Variants in ZSCAN5A observed in about 807,000 individuals in gnomAD.
The protein encoded by ZSCAN5A is zinc finger and SCAN domain containing 5A.
Under a neutral mutation model 23.7 loss-of-function variants are expected in ZSCAN5A, and 12 were observed. The ratio of observed to expected loss-of-function variants is 0.51; its 90% CI spans 0.32 to 0.82. The LOEUF is 0.82. ZSCAN5A is among the 40% of genes least tolerant of loss of function. The pLI, the probability that ZSCAN5A is intolerant of heterozygous loss-of-function variation, is 0.03. For synonymous variants in ZSCAN5A, 257 were observed against 239.9 expected (o/e 1.07, Z -0.66); for missense variants, 597 against 617.9 (o/e 0.97, Z 0.36).
At chr19:56,333,189 T>C (rs1039616367) in intron 2 of ZSCAN5A, among the ~76,000 whole-genome samples, 1 of 152,110 alleles carries the variant, frequency 6.6e-6, no homozygotes, top group East Asian at 1.9e-4. Flanking sequence ...ATTTCTTCTA[T>C]CTGGATGTCT....
intron 2 of ZSCAN5A, chr19:56,280,508 T>A (rs1377261771): frequency 6.6e-6 from 1 of 152,174 alleles, no homozygotes; most frequent in African/African-American, 2.4e-5. Flanking sequence ...TAGAATTATA[T>A]CTATATATAG....
chr19:56,320,594 A>G (rs992094540), intron 2 of ZSCAN5A: 1 of 583,188 alleles, frequency 1.7e-6, no homozygotes, highest in African/African-American at 1.9e-5. Context: ...CCTGGGTGAC[A>G]AGAGCGAAAT....
rs138178972 is a variant in ZSCAN5A, at chr19:56,258,185, C to T, written c.-127-33012G>A. Among the ~76,000 whole-genome samples the T allele has an allele frequency of 3.4e-3, 519 of 152,312 alleles. 6 individuals are homozygous for T. Among genetic ancestry groups the T allele is most frequent in the African/African-American group, 0.012 (498 of 41,538 alleles). ...TTCCCAGGACTCAGCTCCCACCCGC[C>T]TCTTGGTGCTATAACAGGGTAGTGA... On this transcript the variant is annotated intron_variant, in intron 2 of 5. Transcript: ENST00000683990.
Position 56,352,491 on chromosome 19 carries a change from G to A in ZSCAN5A, c.-358+10744C>T, listed in dbSNP as rs1600299946. On this transcript the variant is annotated intron_variant, in intron 2 of 6. Coordinates refer to the ZSCAN5A transcript ENST00000587340. This position sits in a 1 kb window ranked among gnomAD's most constrained non-coding sequence, Gnocchi z 4.2. ...AGATGCTGAGCGTGAATGTGAGACTGTTAGATGTAAAAGAAAAAATATTCT... is the reference window on the plus strand; with the variant it reads ...AGATGCTGAGCGTGAATGTGAGACTATTAGATGTAAAAGAAAAAATATTCT... Among the ~76,000 whole-genome samples, 1 of 152,204 alleles carries A rather than the reference G, an allele frequency of 6.6e-6. No individual in the cohort carries two copies. Among genetic ancestry groups the A allele is most frequent in the East Asian group, 1.9e-4 (1 of 5,198 alleles).
chr19:56,272,236 T>C (rs1269004807), intron 2 of ZSCAN5A, among the ~76,000 whole-genome samples: 1 of 152,240 alleles, frequency 6.6e-6, no homozygotes, highest in Non-Finnish European at 1.5e-5. Context: ...GCTTGCTTTG[T>C]TGTTTTTCTG....
intron 2 of ZSCAN5A, among the ~76,000 whole-genome samples, chr19:56,356,328 C>T (rs918441415): frequency 6.7e-6 from 1 of 148,690 alleles, no homozygotes; most frequent in Non-Finnish European, 1.5e-5. Context: ...AGGAAGCGTA[C>T]TTACAGAAGC....
intron 2 of ZSCAN5A, among the ~76,000 whole-genome samples, chr19:56,303,780 G>A (rs945997427): frequency 6.6e-6 from 1 of 151,390 alleles, no homozygotes; most frequent in Non-Finnish European, 1.5e-5. Context: ...CACAGAGTGA[G>A]CAGCCATGGC....
At chr19:56,306,296 G>GCGTCGC (rs2040684120) in intron 2 of ZSCAN5A, among the ~76,000 whole-genome samples, 1 of 143,454 alleles carries the variant, frequency 7.0e-6, no homozygotes, top group Admixed American at 7.0e-5. Context: ...GGCCTCTCCC[G>GCGTCGC]CATCGCCAGA....
At chr19:56,264,677 T>C (rs890881874) in intron 2 of ZSCAN5A, among the ~76,000 whole-genome samples, 3 of 152,240 alleles carry the variant, frequency 2.0e-5, no homozygotes, top group African/African-American at 7.2e-5. Context: ...TTATGTATTG[T>C]CTCTGGTGGC....
At chr19:56,329,589 A>C (rs1342133991) in intron 2 of ZSCAN5A, among the ~76,000 whole-genome samples, 1 of 152,026 alleles carries the variant, frequency 6.6e-6, no homozygotes, top group Non-Finnish European at 1.5e-5. Context: ...AGAAGAAATA[A>C]TAATAATAAT....
chr19:56,320,074 A>T (rs2041359033), intron 2 of ZSCAN5A: 3 of 777,744 alleles, frequency 3.9e-6, no homozygotes, highest in Non-Finnish European at 7.2e-6. Context: ...ATCTCTTCTT[A>T]TACCTGTCAC....
rs373725192 is a variant in ZSCAN5A, at chr19:56,289,089, C to T, written c.-128+24194G>A. Among the ~76,000 whole-genome samples, 34 of 152,268 alleles carry T rather than the reference C, an allele frequency of 2.2e-4. No homozygotes were observed. The East Asian group carries it at 5.4e-3, about 24-fold the overall frequency. On this transcript the variant is annotated intron_variant, in intron 2 of 5. Transcript: ENST00000683990. The stretch of plus-strand genomic sequence containing the variant: ...TGCTGTGCTGGTAAATGTCTAACAA[C>T]CACCTCTGCAAGGGGAGAGTGGGAA...
At chr19:56,324,265 T>A (rs1265490320) in intron 2 of ZSCAN5A, among the ~76,000 whole-genome samples, 1 of 152,216 alleles carries the variant, frequency 6.6e-6, no homozygotes, top group Non-Finnish European at 1.5e-5. Context: ...TAACATAATG[T>A]CCTCCAATTC....
chr19:56,263,788 G>C (rs1032935114), intron 2 of ZSCAN5A: 1 of 151,494 alleles, frequency 6.6e-6, no homozygotes, highest in Non-Finnish European at 1.5e-5. Flanking sequence ...AAGAACCTCT[G>C]AGATGATGAT....
At chr19:56,232,963 T>A (rs1247718675) in intron 2 of ZSCAN5A, among the ~76,000 whole-genome samples, 4 of 152,224 alleles carry the variant, frequency 2.6e-5, no homozygotes, top group African/African-American at 7.2e-5. Context: ...ATTACAGGCA[T>A]CAGCCATCAT....
chr19:56,353,748 C>T (rs975654724), intron 2 of ZSCAN5A, among the ~76,000 whole-genome samples: 2 of 151,940 alleles, frequency 1.3e-5, no homozygotes, highest in African/African-American at 4.8e-5. Flanking sequence ...TGCCACTGCA[C>T]TCCAGCCTGG....
At chr19:56,291,051 T>C (rs1313621712) in intron 2 of ZSCAN5A, among the ~76,000 whole-genome samples, 1 of 152,032 alleles carries the variant, frequency 6.6e-6, no homozygotes, top group Non-Finnish European at 1.5e-5. Flanking sequence ...GCCGTGAGGG[T>C]GTGTCTGGGA....
intron 2 of ZSCAN5A, chr19:56,244,071 G>A: frequency 8.4e-7 from 1 of 1,184,974 alleles, no homozygotes; most frequent in South Asian, 1.3e-5. Flanking sequence ...TCCTCATGGG[G>A]TCAGGGAGGA....
intron 2 of ZSCAN5A, among the ~76,000 whole-genome samples, chr19:56,331,551 T>C (rs1236502164): frequency 6.6e-6 from 1 of 150,574 alleles, no homozygotes. Flanking sequence ...TTTTTTTTCT[T>C]TCAGCTATTG....
Sources: allele counts gnomAD v4.1 joint callset (sites outside exome capture counted in the v4.1 genomes callset), GRCh38; gene constraint gnomAD v4.1.1; non-coding constraint Gnocchi (gnomAD v3.1); transcripts MANE v1.5; gene names NCBI Gene and HGNC (gene_info 2026-07-23, HGNC 2026-07-21).